Variants in ADD2 observed in about 807,000 individuals in gnomAD.
ADD2 encodes adducin 2.
ADD2 carries 23 observed loss-of-function variants against 83.0 expected under a neutral mutation model. The observed-to-expected ratio is 0.28, with a 90% CI of 0.20 to 0.39. The LOEUF is 0.39. ADD2 is among the 10% of genes least tolerant of loss of function. ADD2 has a pLI of 1.00. For missense variants in ADD2, 758 were observed against 944.9 expected (o/e 0.80, Z 2.59); for synonymous variants, 375 against 375.4 (o/e 1.00, Z 0.01).
At chr2:70,753,215 C>T (rs1553383245) in intron 1 of ADD2, among the ~76,000 whole-genome samples, 2 of 152,122 alleles carry the variant, frequency 1.3e-5, no homozygotes, top group South Asian at 4.1e-4. Context: ...AAGTGGTCAA[C>T]AGTGTTGAGT....
At chr2:70,758,157 G>A (rs957822577) in intron 1 of ADD2, among the ~76,000 whole-genome samples, 4 of 152,146 alleles carry the variant, frequency 2.6e-5, no homozygotes, top group Admixed American at 2.0e-4. Context: ...TCTGTTTCTT[G>A]AGTAAATATT....
intron 1 of ADD2, among the ~76,000 whole-genome samples, chr2:70,763,681 T>C (rs1459405442): frequency 1.3e-5 from 2 of 151,936 alleles, no homozygotes; most frequent in Non-Finnish European, 2.9e-5. Flanking sequence ...TTGCAATAGG[T>C]AAGTCTTTCA....
chr2:70,663,840 G>T, intron 15 of ADD2, 105 bp from the exon 16 acceptor site: 1 of 1,255,602 alleles, frequency 8.0e-7, no homozygotes, highest in Non-Finnish European at 1.1e-6. Context: ...AATCAATCCA[G>T]AGCGAGGGGA....
At chr2:70,721,486 A>G (rs1462380725) in intron 1 of ADD2, among the ~76,000 whole-genome samples, 3 of 152,214 alleles carry the variant, frequency 2.0e-5, no homozygotes, top group Non-Finnish European at 4.4e-5. Flanking sequence ...GCTCCTTTTG[A>G]GTCCTACAGA....
At chr2:70,740,684 T>C (rs782143757) in intron 1 of ADD2, among the ~76,000 whole-genome samples, 2 of 151,962 alleles carry the variant, frequency 1.3e-5, no homozygotes, top group Non-Finnish European at 2.9e-5. Context: ...GTCTAAGAAA[T>C]TTTTTATTTT....
intron 11 of ADD2, among the ~76,000 whole-genome samples, chr2:70,678,432 A>G (rs1169561641): frequency 1.3e-5 from 2 of 152,096 alleles, no homozygotes; most frequent in African/African-American, 4.8e-5. Flanking sequence ...AAGAAGCACA[A>G]ACCAACTGGT....
Position 70,722,062 on chromosome 2 carries a change from C to T in ADD2, c.-153-8878G>A, listed in dbSNP as rs139220476. On this transcript the variant is annotated intron_variant, in intron 1 of 15. Coordinates refer to ENST00000264436, the MANE Select transcript of ADD2 (RefSeq NM_001617.4). ...TAACAGGGTTAGCAGATCCTGGAGA[C>T]CCAGGCCAGCCTCACTTCTAGGACA... 1.2e-3 allele frequency among the ~76,000 whole-genome samples: 187 copies of T among 152,218 alleles called. 1 individual carries two copies. Among genetic ancestry groups the T allele is most frequent in the African/African-American group, 4.3e-3 (178 of 41,506 alleles).
intron 4 of ADD2, 50 bp downstream of exon 4, chr2:70,704,271 C>CCCCCCCCCCCCCCCCCAA: frequency 1.6e-6 from 2 of 1,279,030 alleles, no homozygotes; most frequent in East Asian, 2.7e-5. Context: ...CTTCCCCACC[C>CCCCCCCCCCCCCCCCCAA]CACCCTCCCC....
At chr2:70,692,670 T>G (rs782336235) in intron 6 of ADD2, 118 bp from the exon 7 acceptor site, 5 of 1,136,642 alleles carry the variant, frequency 4.4e-6, no homozygotes, top group Non-Finnish European at 6.0e-6. Context: ...CCAGACACCA[T>G]GAGCAATGAC....
At chr2:70,753,985 C>A (rs960811262) in intron 1 of ADD2, among the ~76,000 whole-genome samples, 1 of 152,156 alleles carries the variant, frequency 6.6e-6, no homozygotes, top group Non-Finnish European at 1.5e-5. Flanking sequence ...GGCGTCATCA[C>A]AGAGCCACAG....
At chr2:70,703,425 A>G (rs782748680) in intron 4 of ADD2, among the ~76,000 whole-genome samples, 4 of 152,206 alleles carry the variant, frequency 2.6e-5, no homozygotes, top group Non-Finnish European at 5.9e-5. Context: ...TGGGCACTCT[A>G]CCGCATTACT....
At chr2:70,760,283 C>T (rs1675016107) in intron 1 of ADD2, among the ~76,000 whole-genome samples, 1 of 152,100 alleles carries the variant, frequency 6.6e-6, no homozygotes, top group Non-Finnish European at 1.5e-5. Flanking sequence ...CATACGTCTG[C>T]CTCTCTGCTG....
At chr2:70,704,264 C>CCCCCCCCCCCCA in intron 4 of ADD2, 57 bp downstream of exon 4, 1 of 425,204 alleles carries the variant, frequency 2.4e-6, no homozygotes, top group Non-Finnish European at 4.8e-6. Flanking sequence ...TCCCTCTCTT[C>CCCCCCCCCCCCA]CCCACCCCAC....
intron 1 of ADD2, among the ~76,000 whole-genome samples, chr2:70,763,915 T>C (rs1204307514): frequency 2.0e-5 from 3 of 151,278 alleles, no homozygotes; most frequent in Admixed American, 6.6e-5. Context: ...TGAGTTGGAG[T>C]CTCGCTCTGT....
rs1470995999 is a variant in ADD2 at position 70,706,273 on chromosome 2, T to C, written c.136A>G (p.Asn46Asp). 1 of 1,614,088 alleles carries C rather than the reference T, an allele frequency of 6.2e-7. No homozygotes were observed. Among genetic ancestry groups the C allele is most frequent in the Non-Finnish European group, 8.5e-7 (1 of 1,180,004 alleles). The change falls in exon 3 of 16, where the codon AAC (asparagine) becomes GAC (aspartate). Residue 46 changes from asparagine to aspartate, a missense_variant. Physicochemically the swap from Asn to Asp is conservative, Grantham distance 23. Transcript: ENST00000264436. This position sits in a 1 kb window ranked among gnomAD's most constrained non-coding sequence, Gnocchi z 5.0. ...ACGCGCTTCTTCTGCTCCATCAGGT[T>C]GAAGTCCTGCCGCAGGTCCGCCGCC... ...NRAADLRQDF[N>D]LMEQKKRVTM...
intron 1 of ADD2, among the ~76,000 whole-genome samples, chr2:70,717,078 G>A (rs558758422): frequency 7.9e-5 from 12 of 151,984 alleles, no homozygotes; most frequent in African/African-American, 2.2e-4. Context: ...CCTCAGCTGG[G>A]ACCCTCCTCT....
Position 70,662,332 on chromosome 2 carries a change from G to C in ADD2, c.*1093C>G, listed in dbSNP as rs1675568565. On this transcript the variant is annotated 3_prime_UTR_variant, in exon 16 of 16. Coordinates refer to ENST00000264436, the MANE Select transcript of ADD2 (RefSeq NM_001617.4). ...TGGTGCAAGAGGATTAATCCTGAAG[G>C]GCTCATTTCTGATTCTCCTCTGCTG... 6.6e-6 allele frequency: 1 copy of C among 152,130 alleles called. No homozygotes were observed. The highest frequency in any genetic ancestry group is 2.4e-5 in the African/African-American group (1 of 41,416). The allele number at this position is 152,130 out of a possible 1,614,324, so 9.4% of individuals were successfully genotyped here. A position where few individuals can be genotyped will look rare whatever the true frequency, so the allele number is the denominator to read the frequency against.
At chr2:70,743,045 C>G (rs1334906682) in intron 1 of ADD2, among the ~76,000 whole-genome samples, 1 of 152,186 alleles carries the variant, frequency 6.6e-6, no homozygotes, top group Non-Finnish European at 1.5e-5. Context: ...TTGCATAGCA[C>G]AGTCCACTCA....
At chr2:70,664,986 G>A (rs927089326) in intron 15 of ADD2, among the ~76,000 whole-genome samples, 1 of 81,056 alleles carries the variant, frequency 1.2e-5, no homozygotes, top group African/African-American at 4.6e-5. Flanking sequence ...GAATGTGTGC[G>A]AGTGAGTGTG....
Sources: gnomAD v4.1 joint callset for allele counts (sites outside exome capture counted in the v4.1 genomes callset) on GRCh38, gnomAD v4.1.1 for gene constraint, Gnocchi (gnomAD v3.1) non-coding constraint, MANE v1.5 for transcripts, NCBI Gene and HGNC (gene_info 2026-07-23, HGNC 2026-07-21) for gene names.